The following ZNF8 variants were observed in gnomAD, a reference collection of about 807,000 sequenced individuals.
ZNF8 encodes the protein zinc finger protein 272.
A neutral mutation model predicts 12.2 loss-of-function variants in ZNF8; 9 were observed. The observed-to-expected ratio is 0.73, with a 90% CI of 0.44 to 1.28. ZNF8 has a LOEUF of 1.28. Ranked by LOEUF, ZNF8 falls within the 50% of genes most tolerant of loss-of-function variation. The pLI is 0.00. For synonymous variants in ZNF8, 274 were observed against 282.3 expected, an observed-to-expected ratio of 0.97 and a Z score of 0.30; for missense variants, 664 against 729.1, an observed-to-expected ratio of 0.91 and a Z score of 1.03.
At chr19:58,285,945 G>T (rs2051380443) in intron 2 of ZNF8, 102 bp downstream of exon 2, 4 of 1,496,292 alleles carry the variant, frequency 2.7e-6, no homozygotes, top group African/African-American at 2.8e-5. Context: ...CTCCCTATGG[G>T]GAGTGCATGA....
chr19:58,285,935 C>T lies in ZNF8; in HGVS notation c.193+92C>T. 6 of 1,514,698 alleles carry T rather than the reference C, an allele frequency of 4.0e-6. No homozygotes were observed. The South Asian group carries it at 6.4e-5, about 16-fold the overall frequency. The allele number at this position is 1,514,698 out of a possible 1,614,324, so 93.8% of individuals were successfully genotyped here. A position where few individuals can be genotyped will look rare whatever the true frequency, so the allele number is the denominator to read the frequency against. ...GTGAGGACCTGACCTTGGGTCCTCA[C>T]TCCCTATGGGGAGTGCATGAAGAGG... On this transcript the variant is annotated intron_variant, in intron 2 of 3. Coordinates refer to ENST00000621650, the MANE Select transcript of ZNF8 (RefSeq NM_021089.3).
intron 3 of ZNF8, among the ~76,000 whole-genome samples, chr19:58,293,506 G>A (rs1019344121): frequency 2.0e-5 from 3 of 152,172 alleles, no homozygotes; most frequent in African/African-American, 4.8e-5. Flanking sequence ...AGATGAGGGG[G>A]CTTGAAGAGG....
intron 1 of ZNF8, among the ~76,000 whole-genome samples, chr19:58,283,069 C>T (rs1249319154): frequency 6.6e-6 from 1 of 151,226 alleles, no homozygotes; most frequent in South Asian, 2.1e-4. Context: ...CCTCCACTTT[C>T]CAGACTCAAG....
Position 58,298,280 on chromosome 19 carries a change from C to CA in ZNF8, c.*2744_*2745insA, listed in dbSNP as rs2051468930. 6.6e-6 allele frequency: 1 copy of CA among 152,054 alleles called. No homozygotes were observed. Among genetic ancestry groups the CA allele is most frequent in the African/African-American group, 2.4e-5 (1 of 41,322 alleles). The allele number at this position is 152,054 out of a possible 1,614,324, so 9.4% of individuals were successfully genotyped here. A position where few individuals can be genotyped will look rare whatever the true frequency, so the allele number is the denominator to read the frequency against. ...TTCTGACCTCATAATCCGCCCACCT[C>CA]GGCCTCCCAAAGTGCTGGGATTACA... On this transcript the variant is annotated 3_prime_UTR_variant, in exon 4 of 4. Coordinates refer to ENST00000621650, the MANE Select transcript of ZNF8 (RefSeq NM_021089.3).
chr19:58,279,179 GCTCCGGGCA>G, intron 1 of ZNF8, 32 bp downstream of exon 1: 2 of 1,545,912 alleles, frequency 1.3e-6, no homozygotes, highest in Non-Finnish European at 8.7e-7. Flanking sequence ...ACGGCGGCGG[GCTCCGGGCA>G]AGCGTCTCCC....
chr19:58,293,330 C>T (rs1241363608), intron 3 of ZNF8, among the ~76,000 whole-genome samples: 3 of 152,208 alleles, frequency 2.0e-5, no homozygotes, highest in East Asian at 1.9e-4. Context: ...CGTTGTCAAG[C>T]TCTCATTCAT....
chr19:58,292,884 G>T (rs756980682), intron 3 of ZNF8, among the ~76,000 whole-genome samples: 1 of 150,962 alleles, frequency 6.6e-6, no homozygotes, highest in Non-Finnish European at 1.5e-5. Context: ...GAACATTAGT[G>T]TATAAATTTT....
intron 1 of ZNF8, among the ~76,000 whole-genome samples, chr19:58,283,675 C>G (rs945753954): frequency 6.7e-6 from 1 of 149,020 alleles, no homozygotes; most frequent in African/African-American, 2.5e-5. Context: ...TCTTGACTCA[C>G]TGCAAGCTCT....
Position 58,294,798 on chromosome 19 carries a change from C to A in ZNF8, c.990C>A (p.Val330=). Residue 330 remains valine, a synonymous_variant, in exon 4 of 4, where the codon GTC becomes GTA. Coordinates refer to ENST00000621650, the MANE Select transcript of ZNF8 (RefSeq NM_021089.3). This position sits in a 1 kb window ranked among gnomAD's most constrained non-coding sequence, Gnocchi z 5.5. ...TCTGCCATAGTACACACCTTACCGT[C>A]CATCGGAGGATTCACACTGGGGAGA... is the stretch of plus-strand genomic sequence containing the variant. The part of the protein sequence containing the change: ...KSFCHSTHLT[V]HRRIHTGEKP... 6.2e-7 allele frequency: 1 copy of A among 1,614,164 alleles called. No homozygotes were observed.
At chr19:58,279,258 T>C (rs2051325404) in intron 1 of ZNF8, 111 bp downstream of exon 1, 3 of 1,526,594 alleles carry the variant, frequency 2.0e-6, no homozygotes, top group Non-Finnish European at 2.6e-6. Flanking sequence ...TTAATGCCCT[T>C]GACACGTGGG....
chr19:58,287,638 C>CTTTTTTTT (rs35340103), intron 3 of ZNF8, among the ~76,000 whole-genome samples: 3 of 64,834 alleles, frequency 4.6e-5, no homozygotes, highest in African/African-American at 6.1e-5. Context: ...TGCACCTGGC[C>CTTTTTTTT]TTTTTTTTTT....
At chr19:58,291,725 G>A (rs374202410) in intron 3 of ZNF8, among the ~76,000 whole-genome samples, 1 of 152,182 alleles carries the variant, frequency 6.6e-6, no homozygotes, top group African/African-American at 2.4e-5. Context: ...AATGCACCTG[G>A]GGAGGGCAAG....
chr19:58,279,604 G>A, intron 1 of ZNF8: 1 of 1,533,914 alleles, frequency 6.5e-7, no homozygotes, highest in Non-Finnish European at 8.7e-7. Flanking sequence ...CCCCAGCACC[G>A]CGGAGCCCCT....
At chr19:58,285,886 G>A (rs758753193) in intron 2 of ZNF8, 43 bp downstream of exon 2, 9 of 1,572,454 alleles carry the variant, frequency 5.7e-6, no homozygotes, top group Non-Finnish European at 7.8e-6. Context: ...TTCTCTCTGG[G>A]TTATAAGTCA....
rs888178851 is a variant in ZNF8, at chr19:58,294,740, A to C, written c.932A>C (p.Lys311Thr). The part of the protein sequence containing the change: ...VQHERIHTGD[K>T]PYKCAECGKS... ...CATGAGCGCATCCACACTGGAGACA[A>C]GCCCTACAAGTGTGCCGAATGTGGG... The change falls in exon 4 of 4, where the codon AAG (lysine) becomes ACG (threonine). Residue 311 changes from lysine to threonine, a missense_variant. Coordinates refer to ENST00000621650, the MANE Select transcript of ZNF8 (RefSeq NM_021089.3). This position sits in a 1 kb window ranked among gnomAD's most constrained non-coding sequence, Gnocchi z 5.5. 1 of 1,614,054 alleles carries C rather than the reference A, an allele frequency of 6.2e-7. No homozygotes were observed. The highest frequency in any genetic ancestry group is 2.2e-5 in the East Asian group (1 of 44,896).
At chr19:58,290,741 A>G (rs2051414468) in intron 3 of ZNF8, among the ~76,000 whole-genome samples, 2 of 152,092 alleles carry the variant, frequency 1.3e-5, no homozygotes, top group African/African-American at 4.8e-5. Flanking sequence ...AGGCTGAGCA[A>G]CAGAGCATTA....
At position 58,294,184 on chromosome 19, in the gene ZNF8, G is replaced by A. The variant is rs1424556805; in HGVS notation, c.376G>A (p.Gly126Arg). The change falls in exon 4 of 4, where the codon GGA (glycine) becomes AGA (arginine). Residue 126 changes from glycine to arginine, a missense_variant. Coordinates refer to ENST00000621650, the MANE Select transcript of ZNF8 (RefSeq NM_021089.3). This position sits in a 1 kb window ranked among gnomAD's most constrained non-coding sequence, Gnocchi z 5.5. ...EEPSHVTGRE[G>R]FPTDAPYPTT... ...GCCATCCCATGTCACGGGAAGGGAA[G>A]GATTCCCGACAGATGCTCCTTATCC... 1 of 1,614,108 alleles carries A rather than the reference G, an allele frequency of 6.2e-7. No homozygotes were observed. Among genetic ancestry groups the A allele is most frequent in the South Asian group, 1.1e-5 (1 of 91,084 alleles).
Position 58,301,191 on chromosome 19 carries a change from G to C in ZNF8, c.*5655G>C, listed in dbSNP as rs955319115. 6.6e-6 allele frequency: 1 copy of C among 152,168 alleles called. No individual in the cohort carries two copies. The highest frequency in any genetic ancestry group is 1.5e-5 in the Non-Finnish European group (1 of 68,056). The allele number at this position is 152,168 out of a possible 1,614,324, so 9.4% of individuals were successfully genotyped here. A position where few individuals can be genotyped will look rare whatever the true frequency, so the allele number is the denominator to read the frequency against. ...CCAAACAAAACTCATTTTCCACCCA[G>C]ACTAGTCTCTGCTTCCCTGATCCCT... On this transcript the variant is annotated 3_prime_UTR_variant, in exon 4 of 4. Coordinates refer to ENST00000621650, the MANE Select transcript of ZNF8 (RefSeq NM_021089.3).
chr19:58,295,328 G>A lies in ZNF8; in HGVS notation c.1520G>A (p.Ser507Asn), dbSNP rs371255474. Residue 507 changes from serine to asparagine, a missense_variant, in exon 4 of 4, where the codon AGC (serine) becomes AAC (asparagine). By Grantham distance (46) the Ser-to-Asn change is conservative. This residue lies in a region of ZNF8 where 225 missense variants were observed against 222.0 expected (regional missense o/e 1.01). Transcript: ENST00000621650. ...AGCCGGCGGCGTGAACAATCCTCGA[G>A]CAGGAACTCACACCTGGTTCAGCAT... ...GRSRRREQSS[S>N]RNSHLVQHQH... 3 of 1,614,100 alleles carry A rather than the reference G, an allele frequency of 1.9e-6. No individual in the cohort carries two copies. In the African/African-American group the frequency reaches 4.0e-5, roughly 22 times the overall value.
Sources: gnomAD v4.1 joint callset for allele counts (sites outside exome capture counted in the v4.1 genomes callset) on GRCh38, gnomAD v4.1.1 for gene constraint, gnomAD v4.1.1 regional missense constraint, Gnocchi (gnomAD v3.1) non-coding constraint, MANE v1.5 for transcripts, NCBI Gene and HGNC (gene_info 2026-07-23, HGNC 2026-07-21) for gene names.